The following SPOCK3 variants were observed in gnomAD, a reference collection of about 807,000 sequenced individuals.
SPOCK3 encodes the protein SPARC (osteonectin), cwcv and kazal like domains proteoglycan 3, also known as testican-3.
In SPOCK3, 30 loss-of-function variants were observed where a neutral mutation model predicts 56.6. The ratio of observed to expected loss-of-function variants is 0.53; its 90% CI spans 0.40 to 0.72. SPOCK3 has a LOEUF of 0.72. Among genes scored for constraint, SPOCK3 ranks in the 30% least tolerant of loss-of-function variants. The pLI is 0.00. For missense variants in SPOCK3, 527 were observed against 530.0 expected, an observed-to-expected ratio of 0.99 and a Z score of 0.06; for synonymous variants, 196 against 183.3, an observed-to-expected ratio of 1.07 and a Z score of -0.56.
chr4:166,890,148 C>T (rs1198092570), intron 5 of SPOCK3, among the ~76,000 whole-genome samples: 1 of 151,930 alleles, frequency 6.6e-6, no homozygotes, highest in African/African-American at 2.4e-5. Context: ...TAGCATGCCT[C>T]TCTTCGGTGC....
intron 6 of SPOCK3, among the ~76,000 whole-genome samples, chr4:166,797,864 C>T (rs542045032): frequency 3.9e-5 from 6 of 152,156 alleles, no homozygotes; most frequent in African/African-American, 2.4e-5. Context: ...TACACCTTTT[C>T]GTTATGTTAT....
intron 5 of SPOCK3, among the ~76,000 whole-genome samples, chr4:166,908,272 T>TCACACACACACACA (rs5863846): frequency 7.2e-6 from 1 of 138,474 alleles, no homozygotes; most frequent in African/African-American, 2.7e-5. Context: ...ATGTTATTGT[T>TCACACACACACACA]CACACACACA....
At chr4:166,807,440 G>A in intron 6 of SPOCK3, among the ~76,000 whole-genome samples, 1 of 152,136 alleles carries the variant, frequency 6.6e-6, no homozygotes, top group Non-Finnish European at 1.5e-5. Context: ...CATGCGTGGA[G>A]CACTGAGAGC....
chr4:167,003,434 C>A (rs756475817), intron 3 of SPOCK3, among the ~76,000 whole-genome samples: 7 of 152,120 alleles, frequency 4.6e-5, no homozygotes, highest in Non-Finnish European at 8.8e-5. Context: ...AAATACAAAA[C>A]ATTACACACT....
At chr4:167,214,835 G>A (rs1371574962) in intron 2 of SPOCK3, among the ~76,000 whole-genome samples, 1 of 151,968 alleles carries the variant, frequency 6.6e-6, no homozygotes, top group Admixed American at 6.6e-5. Flanking sequence ...TTACCTTGGG[G>A]CACCTAATTT....
intron 2 of SPOCK3, among the ~76,000 whole-genome samples, chr4:167,118,930 G>T (rs1761643366): frequency 6.6e-6 from 1 of 152,024 alleles, no homozygotes; most frequent in Non-Finnish European, 1.5e-5. Context: ...GCTGGTTTAA[G>T]CCCTTCTTAC....
At chr4:167,205,550 AATATATAATATATATTAT>A (rs1362056777) in intron 2 of SPOCK3, among the ~76,000 whole-genome samples, 2 of 58,700 alleles carry the variant, frequency 3.4e-5, no homozygotes, top group African/African-American at 8.7e-5. Context: ...TATATTATAT[AATATATAATATATATTAT>A]ATATATAATA....
chr4:167,079,508 T>A (rs562250326), intron 2 of SPOCK3, among the ~76,000 whole-genome samples: 56 of 151,934 alleles, frequency 3.7e-4, no homozygotes, highest in Non-Finnish European at 6.8e-4. Context: ...TAAATCTTTA[T>A]AGACTAAATA....
At chr4:167,049,254 C>CA (rs1580121937) in intron 3 of SPOCK3, among the ~76,000 whole-genome samples, 1 of 151,578 alleles carries the variant, frequency 6.6e-6, no homozygotes, top group South Asian at 2.1e-4. Flanking sequence ...TACTTACTAA[C>CA]AAAAAAGGTT....
At chr4:166,892,810 A>C (rs950923246) in intron 5 of SPOCK3, among the ~76,000 whole-genome samples, 1 of 152,048 alleles carries the variant, frequency 6.6e-6, no homozygotes, top group Non-Finnish European at 1.5e-5. Context: ...ACGGAAAGTT[A>C]TTTTACAGTC....
chr4:166,796,146 T>C (rs1741914381), intron 6 of SPOCK3, among the ~76,000 whole-genome samples: 2 of 152,264 alleles, frequency 1.3e-5, no homozygotes, highest in Admixed American at 6.5e-5. Context: ...GTCTCCAGAA[T>C]TGTGAGAAAT....
In SPOCK3 at chr4:167,227,621, G is replaced by A. The variant is rs1177138777; in HGVS notation, c.189+6364C>T. The stretch of plus-strand genomic sequence containing the variant: ...TAAACTAGAAGAGGTAGAAAGAATA[G>A]AAAAGATGAAATGATTTTCATAAAT... On this transcript the variant is annotated intron_variant, in intron 2 of 10. Coordinates refer to ENST00000357545, the MANE Select transcript of SPOCK3 (RefSeq NM_001040159.2). 5.9e-5 allele frequency among the ~76,000 whole-genome samples: 9 copies of A among 151,902 alleles called. No individual in the cohort carries two copies. The East Asian group carries it at 1.7e-3, about 29-fold the overall frequency.
chr4:166,863,749 T>C (rs1368860131), intron 6 of SPOCK3, among the ~76,000 whole-genome samples: 2 of 152,074 alleles, frequency 1.3e-5, no homozygotes, highest in Non-Finnish European at 2.9e-5. Context: ...CCTAAATATA[T>C]ATGCATCCAA....
intron 3 of SPOCK3, among the ~76,000 whole-genome samples, chr4:167,018,110 T>C (rs1271071415): frequency 6.6e-6 from 1 of 152,140 alleles, no homozygotes; most frequent in Non-Finnish European, 1.5e-5. Flanking sequence ...TGCTGATATA[T>C]AGTTATAACT....
At chr4:166,892,686 T>C (rs1166676454) in intron 5 of SPOCK3, among the ~76,000 whole-genome samples, 1 of 152,070 alleles carries the variant, frequency 6.6e-6, no homozygotes, top group Non-Finnish European at 1.5e-5. Context: ...GCAAATAATG[T>C]AGAGAAAGAC....
chr4:167,068,631 G>A (rs1756386007), intron 2 of SPOCK3, among the ~76,000 whole-genome samples: 1 of 151,776 alleles, frequency 6.6e-6, no homozygotes, highest in African/African-American at 2.4e-5. Flanking sequence ...CCTGACCCTT[G>A]ACTTCTGATG....
chr4:167,129,430 C>A (rs577366906), intron 2 of SPOCK3, among the ~76,000 whole-genome samples: 7 of 152,190 alleles, frequency 4.6e-5, no homozygotes, highest in Non-Finnish European at 8.8e-5. Context: ...TTTACTGAGG[C>A]AGGCACAGGA....
At chr4:167,085,497 T>C (rs553530395) in intron 2 of SPOCK3, among the ~76,000 whole-genome samples, 3 of 152,152 alleles carry the variant, frequency 2.0e-5, no homozygotes, top group Admixed American at 1.3e-4. Flanking sequence ...CAATACTCAT[T>C]TGAAATATCT....
chr4:167,081,127 C>A (rs1425391670), intron 2 of SPOCK3, among the ~76,000 whole-genome samples: 1 of 151,904 alleles, frequency 6.6e-6, no homozygotes, highest in Non-Finnish European at 1.5e-5. Flanking sequence ...GCTTTTGAGG[C>A]AGCATGGCAT....
Sources: gnomAD v4.1 joint callset for allele counts (sites outside exome capture counted in the v4.1 genomes callset) on GRCh38, gnomAD v4.1.1 for gene constraint, MANE v1.5 for transcripts, NCBI Gene and HGNC (gene_info 2026-07-23, HGNC 2026-07-21) for gene names.